The following FREM2 variants were observed in gnomAD, a reference collection of about 807,000 sequenced individuals.
The protein encoded by FREM2 is FRAS1-related extracellular matrix protein 2.
Under a neutral mutation model 219.9 loss-of-function variants are expected in FREM2, and 119 were observed. The observed-to-expected ratio is 0.54, with a 90% CI of 0.47 to 0.63. The LOEUF is 0.63. FREM2 is among the 30% of genes least tolerant of loss of function. The pLI is 0.00. For synonymous variants in FREM2, 1,562 were observed against 1,522.8 expected (o/e 1.03, Z -0.60); for missense variants, 4,030 against 3,993.6 (o/e 1.01, Z -0.25).
intron 6 of FREM2, among the ~76,000 whole-genome samples, chr13:38,818,035 A>G (rs1875837019): frequency 6.6e-6 from 1 of 152,062 alleles, no homozygotes; most frequent in Non-Finnish European, 1.5e-5. Flanking sequence ...AAAAAAGACA[A>G]GTGTTGGTGA....
intron 4 of FREM2, among the ~76,000 whole-genome samples, chr13:38,778,792 A>G (rs1428533225): frequency 6.6e-6 from 1 of 151,872 alleles, no homozygotes; most frequent in East Asian, 1.9e-4. Context: ...CCTGAACTTA[A>G]AAAAAAAGTT....
At chr13:38,835,806 T>C (rs1029645557) in intron 6 of FREM2, among the ~76,000 whole-genome samples, 4 of 152,248 alleles carry the variant, frequency 2.6e-5, no homozygotes, top group Admixed American at 2.6e-4. Flanking sequence ...ATCCTGAGAC[T>C]TTGCTGAAGT....
Position 38,796,700 on chromosome 13 carries a change from G to C in FREM2, c.6019+11892G>C, listed in dbSNP as rs192392762. Among the ~76,000 whole-genome samples the C allele has an allele frequency of 3.3e-4, 50 of 152,178 alleles. 1 individual carries two copies. In the East Asian group the frequency reaches 8.5e-3, roughly 26 times the overall value. On this transcript the variant is annotated intron_variant, in intron 6 of 23. Transcript: ENST00000280481. ...ACACTTAGGATGATTCCATATATTT[G>C]CTATTATAAATAGTGCTGCAATGAA...
chr13:38,862,799 G>GAA (rs34825901), intron 15 of FREM2, among the ~76,000 whole-genome samples: 5 of 150,638 alleles, frequency 3.3e-5, no homozygotes, highest in Admixed American at 2.0e-4. Context: ...AATGTTTGGG[G>GAA]AAAAAAAAAG....
At chr13:38,817,915 C>CA (rs1197595578) in intron 6 of FREM2, among the ~76,000 whole-genome samples, 1 of 151,852 alleles carries the variant, frequency 6.6e-6, no homozygotes, top group Non-Finnish European at 1.5e-5. Flanking sequence ...ATAAGACATA[C>CA]AAATGACAAA....
At chr13:38,791,553 C>A (rs1006352527) in intron 6 of FREM2, among the ~76,000 whole-genome samples, 1 of 152,164 alleles carries the variant, frequency 6.6e-6, no homozygotes, top group African/African-American at 2.4e-5. Flanking sequence ...AACTTACAAT[C>A]ATGGCAGAAG....
intron 2 of FREM2, among the ~76,000 whole-genome samples, chr13:38,726,548 A>G (rs545147751): frequency 6.6e-6 from 1 of 152,180 alleles, no homozygotes; most frequent in African/African-American, 2.4e-5. Context: ...AATGGAGTCT[A>G]TCATGTGTGT....
chr13:38,846,866 G>T lies in FREM2; in HGVS notation c.6169+144G>T, dbSNP rs576769212. On this transcript the variant is annotated intron_variant, in intron 7 of 23. Transcript: ENST00000280481. ...TTTTGCTGAAATTATTACTCTAGGA[G>T]GTAAATCTAGGCTTTATTTACTACT... The T allele has an allele frequency of 8.0e-6, 7 of 870,188 alleles. No homozygotes were observed. The South Asian group carries it at 1.0e-4, about 13-fold the overall frequency. 53.9% of individuals were successfully genotyped at this position (870,188 alleles called of 1,614,324 possible).
At chr13:38,789,313 A>T (rs1874458982) in intron 6 of FREM2, among the ~76,000 whole-genome samples, 1 of 151,872 alleles carries the variant, frequency 6.6e-6, no homozygotes, top group Non-Finnish European at 1.5e-5. Context: ...ATTTTTTCCT[A>T]AGAAAGTTGT....
chr13:38,697,156 A>G (rs1248096375), intron 1 of FREM2, among the ~76,000 whole-genome samples: 1 of 152,110 alleles, frequency 6.6e-6, no homozygotes, highest in Non-Finnish European at 1.5e-5. Context: ...CAGTTATTTC[A>G]ATGTGTGTGA....
rs1877656232 is a variant in FREM2, at chr13:38,858,920, C to T, written c.7216-367C>T. Reference sequence around the variant, plus strand: ...AAGGAAGGCATCAACTTAAGCAATACTGTTAAAGAAGAATCAGCCGAGTTC... The same window carrying T: ...AAGGAAGGCATCAACTTAAGCAATATTGTTAAAGAAGAATCAGCCGAGTTC... On this transcript the variant is annotated intron_variant, in intron 13 of 23. Coordinates refer to ENST00000280481, the MANE Select transcript of FREM2 (RefSeq NM_207361.6). Among the ~76,000 whole-genome samples, 2 of 143,828 alleles carry T rather than the reference C, an allele frequency of 1.4e-5. 1 individual carries two copies. The highest frequency in any genetic ancestry group is 1.5e-4 in the Admixed American group (2 of 13,202). 94.4% of individuals were successfully genotyped at this position (143,828 alleles called of 152,430 possible).
In FREM2 at chr13:38,882,187, G is replaced by T. The variant is rs553307732; in HGVS notation, c.*1400G>T. ...TTTGTTACCAAATAGCAGAAATTTC[G>T]CTTAGAAGGGGAAAACTTCAGCTTT... On this transcript the variant is annotated 3_prime_UTR_variant, in exon 24 of 24. Coordinates refer to ENST00000280481, the MANE Select transcript of FREM2 (RefSeq NM_207361.6). The T allele has an allele frequency of 6.6e-6, 1 of 152,110 alleles. No homozygotes were observed. The highest frequency in any genetic ancestry group is 1.9e-4 in the East Asian group (1 of 5,164). 9.4% of individuals were successfully genotyped at this position (152,110 alleles called of 1,614,324 possible).
intron 16 of FREM2, 87 bp from the exon 17 acceptor site, chr13:38,872,655 A>T: frequency 9.3e-7 from 1 of 1,080,236 alleles, no homozygotes; most frequent in Non-Finnish European, 1.4e-6. Context: ...ATCTTCAGTT[A>T]AGCGAAAAGA....
intron 3 of FREM2, among the ~76,000 whole-genome samples, chr13:38,766,119 T>C (rs1873424647): frequency 6.6e-6 from 1 of 152,174 alleles, no homozygotes; most frequent in Non-Finnish European, 1.5e-5. Flanking sequence ...TCCTGGTGAG[T>C]TTATTTAATT....
chr13:38,810,216 C>T (rs775451242), intron 6 of FREM2, among the ~76,000 whole-genome samples: 5 of 143,410 alleles, frequency 3.5e-5, no homozygotes, highest in African/African-American at 8.0e-5. Flanking sequence ...TATTTTTGGT[C>T]GAATTTTTAG....
intron 4 of FREM2, among the ~76,000 whole-genome samples, chr13:38,774,669 G>C (rs998533684): frequency 2.6e-5 from 4 of 152,088 alleles, no homozygotes; most frequent in African/African-American, 4.8e-5. Flanking sequence ...TTCCATTTTT[G>C]TTAAGGGAAA....
chr13:38,718,917 A>G (rs189248192), intron 2 of FREM2, among the ~76,000 whole-genome samples: 49 of 152,328 alleles, frequency 3.2e-4, no homozygotes, highest in African/African-American at 1.1e-3. Flanking sequence ...TTCTCATTTT[A>G]CTTAGGAAGA....
rs977836053 is a variant in FREM2 at position 38,881,486 on chromosome 13, G to C, written c.*699G>C. ...CAAAGAATATGTTAATTCTGAAAGA[G>C]ATTTTTAAGAGATGCTGCTCTGTTT... On this transcript the variant is annotated 3_prime_UTR_variant, in exon 24 of 24. Coordinates refer to ENST00000280481, the MANE Select transcript of FREM2 (RefSeq NM_207361.6). 9.1e-5 allele frequency: 14 copies of C among 154,602 alleles called. No homozygotes were observed. The highest frequency in any genetic ancestry group is 1.3e-4 in the Non-Finnish European group (9 of 69,438). 9.6% of individuals were successfully genotyped at this position (154,602 alleles called of 1,614,324 possible). A position where few individuals can be genotyped will look rare whatever the true frequency, so the allele number is the denominator to read the frequency against.
chr13:38,858,852 G>A (rs947496111), intron 13 of FREM2, among the ~76,000 whole-genome samples: 7 of 152,018 alleles, frequency 4.6e-5, no homozygotes, highest in Admixed American at 4.6e-4. Flanking sequence ...TGGACTGGAA[G>A]AAAAGATGCT....
Sources: allele counts gnomAD v4.1 joint callset (sites outside exome capture counted in the v4.1 genomes callset), GRCh38; gene constraint gnomAD v4.1.1; transcripts MANE v1.5; gene names NCBI Gene and HGNC (gene_info 2026-07-23, HGNC 2026-07-21).